Variants in PLCB1 observed in about 807,000 individuals in gnomAD.
PLCB1 encodes the protein 1-phosphatidylinositol 4,5-bisphosphate phosphodiesterase beta-1.
PLCB1 carries 46 observed loss-of-function variants against 161.8 expected under a neutral mutation model. That is an observed-to-expected ratio of 0.28 (90% CI 0.22 to 0.36). The LOEUF is 0.36. PLCB1 is among the 10% of genes least tolerant of loss of function. PLCB1 has a pLI of 1.00. For synonymous variants in PLCB1, 517 were observed against 503.7 expected, an observed-to-expected ratio of 1.03 and a Z score of -0.35; for missense variants, 1,016 against 1,472.5, an observed-to-expected ratio of 0.69 and a Z score of 5.07.
chr20:8,872,158 A>G (rs1180758659), intron 31 of PLCB1, among the ~76,000 whole-genome samples: 1 of 152,154 alleles, frequency 6.6e-6, no homozygotes, highest in African/African-American at 2.4e-5. Flanking sequence ...GTATTTGTTC[A>G]CAAGATAAAA....
At chr20:8,363,614 G>A (rs752021381) in intron 2 of PLCB1, among the ~76,000 whole-genome samples, 1 of 152,124 alleles carries the variant, frequency 6.6e-6, no homozygotes, top group Non-Finnish European at 1.5e-5. Flanking sequence ...ATAATGGTGG[G>A]AGTGATAGCC....
rs10670728 is a variant in PLCB1 at position 8,814,577 on chromosome 20, A to ATGTGTGTGTGTG, written c.3423+24338_3423+24349dup. On this transcript the variant is annotated intron_variant, in intron 31 of 31. Coordinates refer to ENST00000338037, the MANE Select transcript of PLCB1 (RefSeq NM_015192.4). The stretch of plus-strand genomic sequence containing the variant: ...CTATCCACCTATGGTATGTACTTGC[A>ATGTGTGTGTGTG]TGTGTGTGTGTGTGTGTGTGTGTGT... 7.0e-3 allele frequency among the ~76,000 whole-genome samples: 1,010 copies of ATGTGTGTGTGTG among 145,268 alleles called. 15 individuals carry two copies. Among genetic ancestry groups the ATGTGTGTGTGTG allele is most frequent in the African/African-American group, 0.025 (965 of 39,380 alleles).
intron 2 of PLCB1, among the ~76,000 whole-genome samples, chr20:8,172,861 AT>A (rs1338423730): frequency 6.6e-6 from 1 of 152,166 alleles, no homozygotes; most frequent in Non-Finnish European, 1.5e-5. Flanking sequence ...AGGGTATCTT[AT>A]GTTTCCCCCA....
chr20:8,546,012 G>C (rs1202722927), intron 3 of PLCB1, among the ~76,000 whole-genome samples: 1 of 152,054 alleles, frequency 6.6e-6, no homozygotes, highest in Admixed American at 6.6e-5. Flanking sequence ...GCAGATTGTT[G>C]AACATAAGAA....
At chr20:8,845,554 G>A (rs1986661790) in intron 31 of PLCB1, among the ~76,000 whole-genome samples, 1 of 152,214 alleles carries the variant, frequency 6.6e-6, no homozygotes, top group South Asian at 2.1e-4. Context: ...TACCCTATGG[G>A]ATAGCACAGA....
intron 31 of PLCB1, among the ~76,000 whole-genome samples, chr20:8,807,934 CTA>C (rs1984618400): frequency 6.6e-6 from 1 of 152,072 alleles, no homozygotes; most frequent in African/African-American, 2.4e-5. Context: ...GGACAAAAGA[CTA>C]TGTTCATCAT....
intron 3 of PLCB1, among the ~76,000 whole-genome samples, chr20:8,531,366 G>A (rs1472064844): frequency 1.3e-5 from 2 of 152,002 alleles, no homozygotes; most frequent in African/African-American, 4.8e-5. Flanking sequence ...TTTGATTCTA[G>A]TCCAAACCAA....
At chr20:8,191,814 CT>C (rs1452777666) in intron 2 of PLCB1, among the ~76,000 whole-genome samples, 1 of 151,958 alleles carries the variant, frequency 6.6e-6, no homozygotes, top group Non-Finnish European at 1.5e-5. Flanking sequence ...ACTCATTTGC[CT>C]ATTTTAGTCA....
chr20:8,665,747 G>C (rs1989794867), intron 9 of PLCB1, among the ~76,000 whole-genome samples: 1 of 152,114 alleles, frequency 6.6e-6, no homozygotes, highest in South Asian at 2.1e-4. Flanking sequence ...CTAGGTAGAA[G>C]TTATAAAAAC....
intron 2 of PLCB1, among the ~76,000 whole-genome samples, chr20:8,251,685 C>T (rs903350562): frequency 5.9e-5 from 9 of 152,030 alleles, no homozygotes; most frequent in African/African-American, 1.9e-4. Flanking sequence ...TTTTAGGAGG[C>T]ATCTGCTATG....
chr20:8,667,018 C>A (rs1989827820), intron 9 of PLCB1, among the ~76,000 whole-genome samples: 1 of 152,126 alleles, frequency 6.6e-6, no homozygotes, highest in African/African-American at 2.4e-5. Flanking sequence ...GTTTAAAGAT[C>A]TGCCTCACAA....
intron 27 of PLCB1, among the ~76,000 whole-genome samples, chr20:8,775,875 A>T (rs1467846896): frequency 6.6e-6 from 1 of 152,108 alleles, no homozygotes; most frequent in Non-Finnish European, 1.5e-5. Context: ...GAGGCTCAGG[A>T]TTTACTTTTT....
At chr20:8,482,092 ATTTTTTTTTT>A (rs199634903) in intron 3 of PLCB1, among the ~76,000 whole-genome samples, 11 of 104,884 alleles carry the variant, frequency 1.0e-4, no homozygotes, top group East Asian at 4.9e-4. Context: ...GCTTGAAGGA[ATTTTTTTTTT>A]TTTTTTTTTT....
rs998839847 is a variant in PLCB1 at position 8,581,808 on chromosome 20, A to G, written c.247-46486A>G. Among the ~76,000 whole-genome samples the G allele has an allele frequency of 3.3e-5, 5 of 152,186 alleles. No homozygotes were observed. The South Asian group carries it at 6.2e-4, about 19-fold the overall frequency. ...TTCTACTCTGAATTCAGAAGTTTGT[A>G]TTCCTCCGAACCTCTGTATCTCAAC... On this transcript the variant is annotated intron_variant, in intron 3 of 31. Transcript: ENST00000338037.
chr20:8,194,703 A>G (rs1302400844), intron 2 of PLCB1, among the ~76,000 whole-genome samples: 4 of 152,082 alleles, frequency 2.6e-5, no homozygotes, highest in Non-Finnish European at 5.9e-5. Flanking sequence ...TTTCAGTCTG[A>G]CATCTGTTAA....
At chr20:8,694,979 C>A (rs774480356) in intron 10 of PLCB1, among the ~76,000 whole-genome samples, 1 of 152,170 alleles carries the variant, frequency 6.6e-6, no homozygotes, top group African/African-American at 2.4e-5. Context: ...CCACTGTCCC[C>A]TTGTCCCTAA....
chr20:8,489,103 A>G (rs1982843667), intron 3 of PLCB1, among the ~76,000 whole-genome samples: 1 of 152,174 alleles, frequency 6.6e-6, no homozygotes, highest in African/African-American at 2.4e-5. Context: ...TGAATACCTT[A>G]AAAGTATGTG....
chr20:8,734,223 G>C (rs1214177694), intron 19 of PLCB1, among the ~76,000 whole-genome samples: 1 of 141,278 alleles, frequency 7.1e-6, no homozygotes, highest in Non-Finnish European at 1.5e-5. Context: ...ATAAAAATCT[G>C]ACTCTAAATC....
chr20:8,300,375 G>T (rs1983845202), intron 2 of PLCB1, among the ~76,000 whole-genome samples: 2 of 152,088 alleles, frequency 1.3e-5, no homozygotes, highest in East Asian at 1.9e-4. Context: ...CCATAATAAG[G>T]ACGGGGATAT....
Sources: allele counts gnomAD v4.1 joint callset (sites outside exome capture counted in the v4.1 genomes callset), GRCh38; gene constraint gnomAD v4.1.1; transcripts MANE v1.5; gene names NCBI Gene and HGNC (gene_info 2026-07-23, HGNC 2026-07-21).